DLGAP2: variants seen among roughly 807,000 people sequenced by gnomAD.
The protein encoded by DLGAP2 is DLG associated protein 2.
In DLGAP2, 26 loss-of-function variants were observed where a neutral mutation model predicts 100.3. The observed-to-expected ratio is 0.26, with a 90% confidence interval of 0.19 to 0.36. The LOEUF is 0.36. Ranked by LOEUF, DLGAP2 falls within the 10% of genes least tolerant of loss-of-function variation. The pLI is 1.00. For missense variants in DLGAP2, 1,858 were observed against 1,453.2 expected (o/e 1.28, Z -4.53); for synonymous variants, 886 against 630.1 (o/e 1.41, Z -6.08).
intron 8 of DLGAP2, among the ~76,000 whole-genome samples, chr8:1,651,229 C>T (rs779285899): frequency 6.6e-6 from 1 of 152,242 alleles, no homozygotes; most frequent in African/African-American, 2.4e-5. Context: ...AAGAGCCACA[C>T]ACATATGTGG....
intron 1 of DLGAP2, among the ~76,000 whole-genome samples, chr8:832,035 C>G (rs1041460687): frequency 1.3e-5 from 2 of 152,174 alleles, no homozygotes; most frequent in African/African-American, 4.8e-5. Context: ...TGTTCATGTC[C>G]TTTGCCCACT....
At chr8:946,677 C>T (rs924270166) in intron 2 of DLGAP2, among the ~76,000 whole-genome samples, 3 of 152,124 alleles carry the variant, frequency 2.0e-5, no homozygotes, top group African/African-American at 7.2e-5. Flanking sequence ...ACAGGTAATA[C>T]CTGTCTAGGT....
chr8:820,963 G>T (rs974664188), intron 1 of DLGAP2, among the ~76,000 whole-genome samples: 2 of 152,170 alleles, frequency 1.3e-5, no homozygotes, highest in African/African-American at 2.4e-5. Context: ...CTAGAACGGT[G>T]GAGAGTTGAA....
At chr8:1,614,434 A>G (rs1797082738) in intron 6 of DLGAP2, among the ~76,000 whole-genome samples, 1 of 152,156 alleles carries the variant, frequency 6.6e-6, no homozygotes, top group African/African-American at 2.4e-5. Flanking sequence ...TTGGAATATG[A>G]CCACAGACAC....
chr8:1,239,979 T>C (rs1418514020), intron 2 of DLGAP2, among the ~76,000 whole-genome samples: 1 of 98,178 alleles, frequency 1.0e-5, no homozygotes, highest in African/African-American at 3.8e-5. Context: ...ACATAGCGTC[T>C]TGTCTAGTTC....
intron 2 of DLGAP2, among the ~76,000 whole-genome samples, chr8:1,098,993 G>A (rs746836997): frequency 6.6e-6 from 1 of 152,220 alleles, no homozygotes; most frequent in East Asian, 1.9e-4. Context: ...CAGTCTGTTC[G>A]TTTGGAAAAG....
chr8:917,543 C>G (rs1798620629), intron 2 of DLGAP2, among the ~76,000 whole-genome samples: 1 of 151,816 alleles, frequency 6.6e-6, no homozygotes, highest in African/African-American at 2.4e-5. Context: ...CAGACTGATT[C>G]TCTTTTGTTA....
chr8:1,273,023 A>C (rs1410665308), intron 3 of DLGAP2, among the ~76,000 whole-genome samples: 5 of 152,150 alleles, frequency 3.3e-5, no homozygotes, highest in African/African-American at 9.7e-5. Context: ...CTCTGCCTTG[A>C]ATATCTCCAA....
chr8:895,356 A>G (rs1018954291), intron 1 of DLGAP2, among the ~76,000 whole-genome samples: 5 of 152,172 alleles, frequency 3.3e-5, no homozygotes, highest in African/African-American at 1.2e-4. Context: ...TAGCTGTTGC[A>G]GTTGCAGTGT....
chr8:987,504 C>A (rs1317819308), intron 2 of DLGAP2, among the ~76,000 whole-genome samples: 1 of 152,142 alleles, frequency 6.6e-6, no homozygotes, highest in Non-Finnish European at 1.5e-5. Context: ...TGCCGGACGC[C>A]CCCACGACCT....
intron 4 of DLGAP2, among the ~76,000 whole-genome samples, chr8:1,526,070 C>A (rs1162281488): frequency 6.6e-6 from 1 of 151,400 alleles, no homozygotes; most frequent in Non-Finnish European, 1.5e-5. Context: ...TTCCTCTGAG[C>A]GTCACCGTGG....
At chr8:889,976 A>C (rs920857262) in intron 1 of DLGAP2, among the ~76,000 whole-genome samples, 6 of 151,732 alleles carry the variant, frequency 4.0e-5, no homozygotes, top group African/African-American at 1.5e-4. Flanking sequence ...GTGCTCACTC[A>C]CCGCCTCCCT....
chr8:1,094,290 C>T (rs1353890817), intron 2 of DLGAP2, among the ~76,000 whole-genome samples: 1 of 152,200 alleles, frequency 6.6e-6, no homozygotes. Context: ...TATTTTAAGG[C>T]ATTTTAACTT....
intron 2 of DLGAP2, among the ~76,000 whole-genome samples, chr8:1,123,199 A>C (rs1384292616): frequency 6.6e-6 from 1 of 152,252 alleles, no homozygotes; most frequent in Non-Finnish European, 1.5e-5. Context: ...CCCATTAATC[A>C]ACTTTTATAG....
At chr8:1,614,723 C>G (rs1478935867) in intron 6 of DLGAP2, among the ~76,000 whole-genome samples, 1 of 152,226 alleles carries the variant, frequency 6.6e-6, no homozygotes, top group Non-Finnish European at 1.5e-5. Context: ...ACCCTGGCGA[C>G]ACGATTTTTT....
intron 3 of DLGAP2, among the ~76,000 whole-genome samples, chr8:1,387,779 G>T (rs980258883): frequency 6.6e-6 from 1 of 152,176 alleles, no homozygotes; most frequent in Non-Finnish European, 1.5e-5. Flanking sequence ...GAACCAGGTG[G>T]AGGGCCTCAC....
chr8:776,973 A>G (rs1300222178), intron 1 of DLGAP2, among the ~76,000 whole-genome samples: 7 of 152,078 alleles, frequency 4.6e-5, no homozygotes, highest in South Asian at 2.1e-4. Flanking sequence ...CATTATTAAT[A>G]TGTGGGAGTC....
chr8:940,374 G>A (rs886916494), intron 2 of DLGAP2, among the ~76,000 whole-genome samples: 1 of 151,898 alleles, frequency 6.6e-6, no homozygotes, highest in Non-Finnish European at 1.5e-5. Flanking sequence ...GAGAGAGAGG[G>A]AGAGGGAGAG....
chr8:1,303,370 C>A (rs571877130), intron 3 of DLGAP2, among the ~76,000 whole-genome samples: 9 of 146,326 alleles, frequency 6.2e-5, no homozygotes, highest in Admixed American at 4.9e-4. Flanking sequence ...GCACTCCAGC[C>A]TGGGCGACAG....
Sources: gnomAD v4.1 joint callset for allele counts (sites outside exome capture counted in the v4.1 genomes callset) on GRCh38, gnomAD v4.1.1 for gene constraint, MANE v1.5 for transcripts, NCBI Gene and HGNC (gene_info 2026-07-23, HGNC 2026-07-21) for gene names.